The following GOLIM4 variants were observed in gnomAD, a reference collection of about 807,000 sequenced individuals.
GOLIM4 encodes the protein 130 kDa golgi-localized phosphoprotein.
A neutral mutation model predicts 107.4 loss-of-function variants in GOLIM4; 71 were observed. The ratio of observed to expected loss-of-function variants is 0.66; its 90% CI spans 0.55 to 0.81. The LOEUF (loss-of-function observed/expected upper bound fraction) is 0.81, where lower values mean the gene tolerates loss of function less well. GOLIM4 is among the 30% of genes least tolerant of loss of function. GOLIM4 has a pLI of 0.00. For synonymous variants in GOLIM4, 327 were observed against 294.8 expected (o/e 1.11, Z -1.12); for missense variants, 830 against 826.1 (o/e 1.00, Z -0.06).
intron 1 of GOLIM4, among the ~76,000 whole-genome samples, chr3:168,062,249 A>T (rs1261885376): frequency 6.6e-6 from 1 of 152,132 alleles, no homozygotes; most frequent in Non-Finnish European, 1.5e-5. Context: ...CCCGAGGTAA[A>T]GCATTAGTGG....
rs1716908689 is a variant in GOLIM4, at chr3:168,010,149, T to G, written c.*120A>C. On this transcript the variant is annotated 3_prime_UTR_variant, in exon 16 of 16. Coordinates refer to ENST00000470487, the MANE Select transcript of GOLIM4 (RefSeq NM_014498.5). Reference sequence around the variant, plus strand: ...ATGCGCATTTCTAATACAAAAGTTTTAAAAAAGTCTAAGTTCTTAATTTTT... The same window carrying G: ...ATGCGCATTTCTAATACAAAAGTTTGAAAAAAGTCTAAGTTCTTAATTTTT... The G allele has an allele frequency of 1.1e-6, 1 of 875,684 alleles. No homozygotes were observed. The highest frequency in any genetic ancestry group is 1.7e-6 in the Non-Finnish European group (1 of 584,292). The allele number at this position is 875,684 out of a possible 1,614,324, so 54.2% of individuals were successfully genotyped here. A position where few individuals can be genotyped will look rare whatever the true frequency, so the allele number is the denominator to read the frequency against.
intron 14 of GOLIM4, among the ~76,000 whole-genome samples, chr3:168,020,776 G>C (rs1214008946): frequency 1.3e-5 from 2 of 152,148 alleles, no homozygotes. Flanking sequence ...ATATATTACT[G>C]ATATTTGGGG....
At chr3:168,011,731 T>A (rs1328431462) in intron 14 of GOLIM4, among the ~76,000 whole-genome samples, 2 of 136,474 alleles carry the variant, frequency 1.5e-5, no homozygotes, top group East Asian at 2.0e-4. Context: ...AGTGGGTCCC[T>A]GACCCCTTAC....
At chr3:168,087,456 A>G (rs1254652011) in intron 1 of GOLIM4, among the ~76,000 whole-genome samples, 1 of 152,182 alleles carries the variant, frequency 6.6e-6, no homozygotes, top group Non-Finnish European at 1.5e-5. Flanking sequence ...GTTTTTCATT[A>G]TATGATTCAC....
chr3:168,058,276 G>A (rs1720085643), intron 1 of GOLIM4, among the ~76,000 whole-genome samples: 1 of 152,146 alleles, frequency 6.6e-6, no homozygotes, highest in Non-Finnish European at 1.5e-5. Flanking sequence ...GTGCTTAACT[G>A]CCTTTTCTTT....
At chr3:168,033,980 GA>G (rs200717277) in intron 8 of GOLIM4, among the ~76,000 whole-genome samples, 1 of 150,594 alleles carries the variant, frequency 6.6e-6, no homozygotes, top group African/African-American at 2.4e-5. Context: ...TTAACCTTCA[GA>G]AAAAAAAATC....
intron 1 of GOLIM4, among the ~76,000 whole-genome samples, chr3:168,061,796 G>A (rs1166587643): frequency 6.6e-6 from 1 of 152,186 alleles, no homozygotes; most frequent in Non-Finnish European, 1.5e-5. Context: ...CTGTGCACAT[G>A]GGGGCAGCGG....
intron 5 of GOLIM4, 35 bp downstream of exon 5, chr3:168,043,344 T>G: frequency 6.8e-7 from 1 of 1,480,194 alleles, no homozygotes; most frequent in South Asian, 1.2e-5. Context: ...CAGTACTTAT[T>G]TAGAGATAAA....
chr3:168,041,407 C>A lies in GOLIM4; in HGVS notation c.585G>T (p.Gln195His). Residue 195 changes from glutamine (Q) to histidine (H), a missense_variant, in exon 6 of 16, where the codon CAG becomes CAT. Gln to His is a conservative substitution (Grantham distance 24). Coordinates refer to ENST00000470487, the MANE Select transcript of GOLIM4 (RefSeq NM_014498.5). ...LRKAHQDIHT[Q>H]LQDVKQQHKN... ...TTTCTTTTACCTTGACATCTTGAAG[C>A]TGTGTATGTATGTCTTGGTGTGCTT... 6.3e-7 allele frequency: 1 copy of A among 1,579,982 alleles called. No individual in the cohort carries two copies. Among genetic ancestry groups the A allele is most frequent in the South Asian group, 1.1e-5 (1 of 90,168 alleles).
At chr3:168,087,046 AT>A (rs1360395354) in intron 1 of GOLIM4, among the ~76,000 whole-genome samples, 1 of 152,140 alleles carries the variant, frequency 6.6e-6, no homozygotes, top group African/African-American at 2.4e-5. Flanking sequence ...ATCCAACTTG[AT>A]CAGTCAATGC....
rs949876518 is a variant in GOLIM4, at chr3:168,037,129, T to G, written c.685-135A>C. 9.3e-6 allele frequency: 5 copies of G among 539,010 alleles called. No individual in the cohort carries two copies. In the African/African-American group the frequency reaches 9.6e-5, roughly 10 times the overall value. The allele number at this position is 539,010 out of a possible 1,614,324, so 33.4% of individuals were successfully genotyped here. ...TAGAAAAACATACAGATTGTTTCCA[T>G]GCATTCACTATTCTTACTTGGGCAT... On this transcript the variant is annotated intron_variant, in intron 7 of 15. Coordinates refer to ENST00000470487, the MANE Select transcript of GOLIM4 (RefSeq NM_014498.5).
chr3:168,062,649 G>GTCAATA (rs1720336092), intron 1 of GOLIM4, among the ~76,000 whole-genome samples: 1 of 152,146 alleles, frequency 6.6e-6, no homozygotes, highest in Non-Finnish European at 1.5e-5. Flanking sequence ...TAATAGCAGA[G>GTCAATA]GCTTTGCATT....
intron 14 of GOLIM4, among the ~76,000 whole-genome samples, chr3:168,019,767 T>G (rs1054922592): frequency 1.3e-5 from 2 of 152,222 alleles, no homozygotes; most frequent in Admixed American, 1.3e-4. Flanking sequence ...TTCACACATA[T>G]TTTTTAAATC....
At chr3:168,060,181 C>T (rs2108266937) in intron 1 of GOLIM4, among the ~76,000 whole-genome samples, 1 of 151,752 alleles carries the variant, frequency 6.6e-6, no homozygotes, top group East Asian at 1.9e-4. Context: ...GCCTCAGCCT[C>T]CCAAGTAGGT....
rs376846874 is a variant in GOLIM4 at position 168,064,278 on chromosome 3, T to C, written c.188-15913A>G. Among the ~76,000 whole-genome samples the C allele has an allele frequency of 1.7e-3, 264 of 152,366 alleles. 1 individual carries two copies. The highest frequency in any genetic ancestry group is 2.8e-3 in the Non-Finnish European group (190 of 68,028). On this transcript the variant is annotated intron_variant, in intron 1 of 15. Coordinates refer to ENST00000470487, the MANE Select transcript of GOLIM4 (RefSeq NM_014498.5). ...GGCTACTTATGAGAAATTCAGCTTCTTTATGATCTGCAAATTGTCATCTCG... is the reference window on the plus strand; with the variant it reads ...GGCTACTTATGAGAAATTCAGCTTCCTTATGATCTGCAAATTGTCATCTCG...
chr3:168,050,048 G>A (rs897085384), intron 1 of GOLIM4, among the ~76,000 whole-genome samples: 6 of 151,922 alleles, frequency 3.9e-5, no homozygotes, highest in Non-Finnish European at 5.9e-5. Flanking sequence ...TCCCTCATCC[G>A]TAGGCAGTCA....
chr3:168,008,987 G>T lies in GOLIM4; in HGVS notation c.*1282C>A, dbSNP rs367903093. 2 of 151,774 alleles carry T rather than the reference G, an allele frequency of 1.3e-5. No homozygotes were observed. The highest frequency in any genetic ancestry group is 2.9e-5 in the Non-Finnish European group (2 of 67,944). The allele number at this position is 151,774 out of a possible 1,614,324, so 9.4% of individuals were successfully genotyped here. ...TGTGGTTATTAAAAAATAAAATTAC[G>T]TTCATACAATGGTAGAAAATGAAAT... On this transcript the variant is annotated 3_prime_UTR_variant, in exon 16 of 16. Coordinates refer to ENST00000470487, the MANE Select transcript of GOLIM4 (RefSeq NM_014498.5).
intron 12 of GOLIM4, among the ~76,000 whole-genome samples, chr3:168,025,387 C>T (rs938284705): frequency 6.6e-6 from 1 of 152,122 alleles, no homozygotes; most frequent in Non-Finnish European, 1.5e-5. Context: ...GTGAACAGAA[C>T]TGAATAAACA....
chr3:168,039,007 G>A (rs749767636), intron 7 of GOLIM4, among the ~76,000 whole-genome samples: 2 of 152,170 alleles, frequency 1.3e-5, no homozygotes, highest in African/African-American at 4.8e-5. Flanking sequence ...GCCCTTACCA[G>A]AATCTGACCA....
Sources: gnomAD v4.1 joint callset for allele counts (sites outside exome capture counted in the v4.1 genomes callset) on GRCh38, gnomAD v4.1.1 for gene constraint, MANE v1.5 for transcripts, NCBI Gene and HGNC (gene_info 2026-07-23, HGNC 2026-07-21) for gene names.